MAP4K3: variants seen among roughly 807,000 people sequenced by gnomAD.
MAP4K3 encodes the protein MAPK/ERK kinase kinase kinase 3.
In MAP4K3, 94 loss-of-function variants were observed where a neutral mutation model predicts 143.5. The ratio of observed to expected loss-of-function variants is 0.65; its 90% CI spans 0.55 to 0.78. The LOEUF is 0.78. MAP4K3 is among the 30% of genes least tolerant of loss of function. The probability of loss-of-function intolerance (pLI) is 0.00; values close to 1 mark genes in which losing one functional copy is unlikely to be tolerated. For synonymous variants in MAP4K3, 416 were observed against 347.2 expected, an observed-to-expected ratio of 1.20 and a Z score of -2.20; for missense variants, 1,077 against 1,068.1, an observed-to-expected ratio of 1.01 and a Z score of -0.12.
intron 21 of MAP4K3, among the ~76,000 whole-genome samples, chr2:39,285,648 T>C (rs777129757): frequency 6.6e-6 from 1 of 152,104 alleles, no homozygotes. Context: ...TAAACAGATA[T>C]AGCACAAAAG....
chr2:39,298,896 C>T (rs941887502), intron 16 of MAP4K3, among the ~76,000 whole-genome samples: 6 of 146,138 alleles, frequency 4.1e-5, no homozygotes, highest in Admixed American at 2.1e-4. Context: ...ACCCGGGAGG[C>T]GGAGGTTGAA....
chr2:39,277,080 C>T (rs980522814), intron 24 of MAP4K3, among the ~76,000 whole-genome samples: 5 of 152,196 alleles, frequency 3.3e-5, no homozygotes, highest in African/African-American at 1.2e-4. Flanking sequence ...AATTAACACT[C>T]TTTTACCATT....
intron 2 of MAP4K3, among the ~76,000 whole-genome samples, chr2:39,361,925 T>C (rs919065915): frequency 3.3e-5 from 5 of 151,796 alleles, no homozygotes; most frequent in Admixed American, 3.3e-4. Context: ...AAAAGGAAAA[T>C]AAGAAAACAA....
At chr2:39,413,557 C>T (rs976517096) in intron 1 of MAP4K3, among the ~76,000 whole-genome samples, 4 of 152,018 alleles carry the variant, frequency 2.6e-5, no homozygotes, top group African/African-American at 9.7e-5. Flanking sequence ...ACAATGACTG[C>T]AATTAACTGT....
intron 1 of MAP4K3, among the ~76,000 whole-genome samples, chr2:39,388,370 C>G (rs901428294): frequency 6.6e-6 from 1 of 152,184 alleles, no homozygotes; most frequent in Non-Finnish European, 1.5e-5. Context: ...TTTACGTGCA[C>G]TGAACTCACA....
chr2:39,354,682 A>C (rs1327813950), intron 3 of MAP4K3, among the ~76,000 whole-genome samples: 2 of 151,886 alleles, frequency 1.3e-5, no homozygotes, highest in East Asian at 1.9e-4. Context: ...ACAAAAAAAA[A>C]ACAAAAAAAC....
chr2:39,364,238 G>C (rs1187294456), intron 2 of MAP4K3, among the ~76,000 whole-genome samples: 1 of 152,200 alleles, frequency 6.6e-6, no homozygotes, highest in Non-Finnish European at 1.5e-5. Flanking sequence ...GTCATGGCCA[G>C]AGACTGGGGG....
intron 1 of MAP4K3, among the ~76,000 whole-genome samples, chr2:39,429,447 C>T (rs1238452700): frequency 6.6e-6 from 1 of 152,068 alleles, no homozygotes; most frequent in African/African-American, 2.4e-5. Flanking sequence ...TAAAATATCA[C>T]AAAATTATAT....
intron 2 of MAP4K3, among the ~76,000 whole-genome samples, chr2:39,367,516 G>T (rs1318560580): frequency 1.3e-5 from 2 of 151,828 alleles, no homozygotes; most frequent in Admixed American, 1.3e-4. Context: ...CTCCAGCCTG[G>T]GTGACAGTAT....
intron 15 of MAP4K3, among the ~76,000 whole-genome samples, chr2:39,305,721 G>A (rs1265152553): frequency 6.6e-6 from 1 of 152,194 alleles, no homozygotes; most frequent in Non-Finnish European, 1.5e-5. Flanking sequence ...TTATAGGGCA[G>A]GGAGCAGGGA....
Position 39,282,429 on chromosome 2 carries a change from C to A in MAP4K3, c.1629+84G>T. 4 of 1,133,106 alleles carry A rather than the reference C, an allele frequency of 3.5e-6. No homozygotes were observed. The South Asian group carries it at 5.4e-5, about 15-fold the overall frequency. 70.2% of individuals were successfully genotyped at this position (1,133,106 alleles called of 1,614,324 possible). On this transcript the variant is annotated intron_variant, in intron 22 of 33. Transcript: ENST00000263881. The stretch of plus-strand genomic sequence containing the variant: ...TTTTCAATAATAATGAAAGTTCTTT[C>A]AAACAGACAAAAAAACCTAAGCAAA...
chr2:39,343,655 A>T (rs1017518988), intron 3 of MAP4K3, among the ~76,000 whole-genome samples: 1 of 152,192 alleles, frequency 6.6e-6, no homozygotes, highest in Non-Finnish European at 1.5e-5. Context: ...TTTTAAACTT[A>T]TAATACACCA....
chr2:39,253,412 G>A (rs535336543), intron 32 of MAP4K3, among the ~76,000 whole-genome samples: 1 of 152,330 alleles, frequency 6.6e-6, no homozygotes, highest in East Asian at 1.9e-4. Context: ...GTGTACAGGC[G>A]TGAGCCAACA....
rs1004123389 is a variant in MAP4K3 at position 39,294,144 on chromosome 2, A to G, written c.1179-876T>C. ...CTACTGGGATAAAAGAGAGTCAGCA[A>G]AAGTTTTACTCTCCCTAAAAGTTAT... On this transcript the variant is annotated intron_variant, in intron 16 of 33. Coordinates refer to ENST00000263881, the MANE Select transcript of MAP4K3 (RefSeq NM_003618.4). The G allele has an allele frequency of 9.2e-5, 14 of 152,290 alleles. No homozygotes were observed. The South Asian group carries it at 1.0e-3, about 11-fold the overall frequency. 9.4% of individuals were successfully genotyped at this position (152,290 alleles called of 1,614,324 possible).
intron 12 of MAP4K3, among the ~76,000 whole-genome samples, chr2:39,323,137 T>C (rs542733459): frequency 6.6e-6 from 1 of 152,326 alleles, no homozygotes; most frequent in South Asian, 2.1e-4. Context: ...TATTCTAAGC[T>C]ACTGTGAGAG....
chr2:39,361,130 ATCTG>A (rs916166540), intron 2 of MAP4K3, among the ~76,000 whole-genome samples: 1 of 152,028 alleles, frequency 6.6e-6, no homozygotes, highest in African/African-American at 2.4e-5. Context: ...TCTCAGGCAA[ATCTG>A]TCTGTCTCTG....
At chr2:39,373,924 A>G (rs530219401) in intron 2 of MAP4K3, among the ~76,000 whole-genome samples, 4 of 152,314 alleles carry the variant, frequency 2.6e-5, no homozygotes, top group African/African-American at 9.6e-5. Flanking sequence ...ACAACAAAAA[A>G]TCCAATCATA....
At chr2:39,362,957 T>C (rs1032607239) in intron 2 of MAP4K3, among the ~76,000 whole-genome samples, 10 of 152,154 alleles carry the variant, frequency 6.6e-5, no homozygotes, top group African/African-American at 2.4e-4. Flanking sequence ...TAAAACAGTA[T>C]TCAACAAAGG....
At chr2:39,433,200 C>G (rs935842175) in intron 1 of MAP4K3, among the ~76,000 whole-genome samples, 1 of 152,142 alleles carries the variant, frequency 6.6e-6, no homozygotes, top group Non-Finnish European at 1.5e-5. Context: ...AAAGATGACT[C>G]TAAGGCTTAC....
Sources: gnomAD v4.1 joint callset for allele counts (sites outside exome capture counted in the v4.1 genomes callset) on GRCh38, gnomAD v4.1.1 for gene constraint, MANE v1.5 for transcripts, NCBI Gene and HGNC (gene_info 2026-07-23, HGNC 2026-07-21) for gene names.